FHIT: variants seen among roughly 807,000 people sequenced by gnomAD.
FHIT encodes fragile histidine triad diadenosine triphosphatase.
Under a neutral mutation model 17.9 loss-of-function variants are expected in FHIT, and 19 were observed. That is an observed-to-expected ratio of 1.06 (90% CI 0.74 to 1.56). FHIT has a LOEUF of 1.56. Among genes scored for constraint, FHIT ranks in the 40% most tolerant of loss-of-function variants. The probability of loss-of-function intolerance (pLI) is 0.00; values close to 1 mark genes in which losing one functional copy is unlikely to be tolerated. For synonymous variants in FHIT, 81 were observed against 69.7 expected, an observed-to-expected ratio of 1.16 and a Z score of -0.81; for missense variants, 248 against 189.2, an observed-to-expected ratio of 1.31 and a Z score of -1.82.
intron 5 of FHIT, among the ~76,000 whole-genome samples, chr3:60,126,922 C>T (rs1333351791): frequency 2.0e-5 from 3 of 152,126 alleles, no homozygotes; most frequent in Non-Finnish European, 2.9e-5. Flanking sequence ...CAGGGAGGTG[C>T]GCGCTTCCGT....
chr3:60,171,039 C>A (rs1576245076), intron 5 of FHIT, among the ~76,000 whole-genome samples: 1 of 152,302 alleles, frequency 6.6e-6, no homozygotes, highest in East Asian at 1.9e-4. Context: ...CCAACAGACA[C>A]TTTGGGAACT....
Position 60,238,143 on chromosome 3 carries a change from CA to C in FHIT, c.104-223992del, listed in dbSNP as rs5849346. Among the ~76,000 whole-genome samples, 722 of 111,802 alleles carry C rather than the reference CA, an allele frequency of 6.5e-3. 3 individuals carry two copies. The highest frequency in any genetic ancestry group is 0.043 in the Middle Eastern group (8 of 186). 73.3% of individuals were successfully genotyped at this position (111,802 alleles called of 152,430 possible). A position where few individuals can be genotyped will look rare whatever the true frequency, so the allele number is the denominator to read the frequency against. ...CCTGGCACCAAGCGAGACTCCGTCT[CA>C]AAAAAAAAAAAAAAAAAGAATTTGT... On this transcript the variant is annotated intron_variant, in intron 5 of 9. Coordinates refer to ENST00000492590, the MANE Select transcript of FHIT (RefSeq NM_002012.4).
intron 5 of FHIT, among the ~76,000 whole-genome samples, chr3:60,085,317 A>G (rs971188547): frequency 1.3e-5 from 2 of 152,188 alleles, no homozygotes; most frequent in African/African-American, 2.4e-5. Flanking sequence ...TTTGAGGTCT[A>G]GGTTCTTCCA....
intron 5 of FHIT, among the ~76,000 whole-genome samples, chr3:60,257,902 C>CGGGGAGG (rs1256483106): frequency 6.6e-5 from 10 of 151,932 alleles, no homozygotes; most frequent in Admixed American, 6.6e-4. Flanking sequence ...GGAGGGTCAA[C>CGGGGAGG]GGGGAGGAGA....
chr3:59,894,885 G>C (rs941361235), intron 8 of FHIT, among the ~76,000 whole-genome samples: 1 of 152,182 alleles, frequency 6.6e-6, no homozygotes, highest in Non-Finnish European at 1.5e-5. Context: ...TTCACATATT[G>C]AAAGTTTGGC....
intron 5 of FHIT, among the ~76,000 whole-genome samples, chr3:60,097,221 C>G (rs113484031): frequency 1.2e-4 from 18 of 151,862 alleles, no homozygotes; most frequent in Non-Finnish European, 2.1e-4. Context: ...AACTGAACAT[C>G]TTATGGTCTG....
chr3:59,827,817 A>C (rs1468921676), intron 8 of FHIT, among the ~76,000 whole-genome samples: 1 of 152,214 alleles, frequency 6.6e-6, no homozygotes, highest in African/African-American at 2.4e-5. Flanking sequence ...ATCTACAGAT[A>C]ATGTATATTT....
intron 3 of FHIT, among the ~76,000 whole-genome samples, chr3:60,832,341 C>A (rs1314054428): frequency 6.6e-6 from 1 of 152,082 alleles, no homozygotes; most frequent in Non-Finnish European, 1.5e-5. Flanking sequence ...AGTTGCAGAT[C>A]TTGGATTCTG....
intron 8 of FHIT, among the ~76,000 whole-genome samples, chr3:59,784,295 T>C (rs575032226): frequency 3.0e-4 from 45 of 152,332 alleles, no homozygotes; most frequent in South Asian, 2.1e-3. Flanking sequence ...TTCTCTACCT[T>C]CTACCAGCCT....
rs1171460165 is a variant in FHIT at position 59,992,854 on chromosome 3, A to G, written c.279+18517T>C. Among the ~76,000 whole-genome samples, 4 of 152,218 alleles carry G rather than the reference A, an allele frequency of 2.6e-5. No homozygotes were observed. The East Asian group carries it at 7.8e-4, about 30-fold the overall frequency. On this transcript the variant is annotated intron_variant, in intron 7 of 9. Coordinates refer to ENST00000492590, the MANE Select transcript of FHIT (RefSeq NM_002012.4). ...CAGTGTAAAGACTCAGGTTCCAGAT[A>G]TGAAGACAGGACTGAAAATGCTTCT...
At chr3:60,373,343 G>A (rs1700416137) in intron 5 of FHIT, among the ~76,000 whole-genome samples, 1 of 152,114 alleles carries the variant, frequency 6.6e-6, no homozygotes, top group African/African-American at 2.4e-5. Context: ...AAAATGGCTT[G>A]GTAAAGTTCT....
At chr3:60,961,854 A>C (rs1312004860) in intron 3 of FHIT, among the ~76,000 whole-genome samples, 1 of 152,176 alleles carries the variant, frequency 6.6e-6, no homozygotes, top group Non-Finnish European at 1.5e-5. Context: ...GTTTGAAGTC[A>C]AGTAGCGTGA....
intron 7 of FHIT, among the ~76,000 whole-genome samples, chr3:59,923,155 G>T (rs1359637931): frequency 2.0e-5 from 3 of 147,832 alleles, no homozygotes. Flanking sequence ...AAACCAGGAG[G>T]CGGAGCTTGC....
chr3:60,707,517 C>G (rs1232360850), intron 4 of FHIT, among the ~76,000 whole-genome samples: 1 of 152,138 alleles, frequency 6.6e-6, no homozygotes, highest in African/African-American at 2.4e-5. Flanking sequence ...CAAATCACTT[C>G]CCTAGGCTCT....
intron 5 of FHIT, among the ~76,000 whole-genome samples, chr3:60,075,241 C>G (rs1702952856): frequency 6.6e-6 from 1 of 152,050 alleles, no homozygotes; most frequent in African/African-American, 2.4e-5. Context: ...ATCAATCACT[C>G]AATTTAAAGT....
intron 4 of FHIT, among the ~76,000 whole-genome samples, chr3:60,604,459 AAGAGCC>A (rs1240120763): frequency 6.6e-6 from 1 of 152,202 alleles, no homozygotes; most frequent in Non-Finnish European, 1.5e-5. Flanking sequence ...AAGATCTAGG[AAGAGCC>A]AGACATGCAT....
chr3:60,549,732 T>C (rs1394013307), intron 4 of FHIT, among the ~76,000 whole-genome samples: 6 of 152,142 alleles, frequency 3.9e-5, no homozygotes, highest in African/African-American at 7.2e-5. Flanking sequence ...CAATCTACCA[T>C]GAAAATTAAT....
chr3:60,082,303 T>A (rs1242212213), intron 5 of FHIT, among the ~76,000 whole-genome samples: 9 of 131,266 alleles, frequency 6.9e-5, no homozygotes, highest in African/African-American at 9.6e-5. Context: ...CAGACATGAT[T>A]TCATTCTTTT....
chr3:60,895,733 T>C (rs868928378), intron 3 of FHIT, among the ~76,000 whole-genome samples: 1 of 136,646 alleles, frequency 7.3e-6, no homozygotes, highest in East Asian at 2.2e-4. Context: ...TTTCTTTCTT[T>C]CTTCTTTCTT....
Sources: allele counts gnomAD v4.1 joint callset (sites outside exome capture counted in the v4.1 genomes callset), GRCh38; gene constraint gnomAD v4.1.1; transcripts MANE v1.5; gene names NCBI Gene and HGNC (gene_info 2026-07-23, HGNC 2026-07-21).